The following TENM3 variants were observed in gnomAD, a reference collection of about 807,000 sequenced individuals.
TENM3 encodes the protein teneurin-3.
In TENM3, 63 loss-of-function variants were observed where a neutral mutation model predicts 255.1. That is an observed-to-expected ratio of 0.25 (90% CI 0.20 to 0.30). TENM3 has a LOEUF of 0.30. Among genes scored for constraint, TENM3 ranks in the 10% least tolerant of loss-of-function variants. TENM3 has a pLI of 1.00. For missense variants in TENM3, 2,929 were observed against 3,461.1 expected, an observed-to-expected ratio of 0.85 and a Z score of 3.86; for synonymous variants, 1,306 against 1,322.3, an observed-to-expected ratio of 0.99 and a Z score of 0.27.
chr4:181,585,321 C>T, the TENM3 span, among the ~76,000 whole-genome samples: 1 of 152,088 alleles, frequency 6.6e-6, no homozygotes, highest in Non-Finnish European at 1.5e-5. Flanking sequence ...TCCTAGTCTG[C>T]GTTATCTCTT....
the TENM3 span, among the ~76,000 whole-genome samples, chr4:181,741,587 C>A: frequency 6.6e-6 from 1 of 152,068 alleles, no homozygotes; most frequent in Non-Finnish European, 1.5e-5. Context: ...CTTGTCAATA[C>A]CTTTGGATGT....
At chr4:181,660,857 A>T in the TENM3 span, among the ~76,000 whole-genome samples, 2 of 152,200 alleles carry the variant, frequency 1.3e-5, no homozygotes, top group Non-Finnish European at 2.9e-5. Flanking sequence ...TCTTTTTATT[A>T]TATCAAATAC....
chr4:182,483,096 TA>T, intron 3 of TENM3, among the ~76,000 whole-genome samples: 1 of 152,224 alleles, frequency 6.6e-6, no homozygotes, highest in Non-Finnish European at 1.5e-5. Flanking sequence ...CACAATTTCA[TA>T]TTCAAGCTTT....
chr4:181,567,095 G>C, the TENM3 span, among the ~76,000 whole-genome samples: 1 of 152,134 alleles, frequency 6.6e-6, no homozygotes, highest in Non-Finnish European at 1.5e-5. Context: ...TCCCGCTTTA[G>C]ACACCATACT....
chr4:181,533,447 ATG>A, the TENM3 span, among the ~76,000 whole-genome samples: 1 of 152,116 alleles, frequency 6.6e-6, no homozygotes, highest in South Asian at 2.1e-4. Flanking sequence ...ATTCACCTTT[ATG>A]TTCTCAACAA....
chr4:182,502,133 C>T (rs781186972), intron 3 of TENM3, among the ~76,000 whole-genome samples: 1 of 152,176 alleles, frequency 6.6e-6, no homozygotes. Flanking sequence ...CTTTTACTGT[C>T]TGCTACTGTT....
chr4:182,534,191 A>G (rs1740051574), intron 3 of TENM3, among the ~76,000 whole-genome samples: 1 of 152,208 alleles, frequency 6.6e-6, no homozygotes, highest in African/African-American at 2.4e-5. Context: ...ACATGCATTC[A>G]GAGGAACATG....
At chr4:182,161,602 T>TATATATATATGTATATGTATATACAA (rs1751193971) in intron 1 of TENM3, among the ~76,000 whole-genome samples, 4 of 113,232 alleles carry the variant, frequency 3.5e-5, no homozygotes, top group African/African-American at 1.4e-4. Context: ...TATATATACA[T>TATATATATATGTATATGTATATACAA]ATATATATAT....
the TENM3 span, among the ~76,000 whole-genome samples, chr4:182,046,679 A>G: frequency 3.3e-5 from 5 of 152,094 alleles, no homozygotes; most frequent in East Asian, 5.8e-4. Context: ...GCAGTGAGCC[A>G]TGATCCTGCC....
At chr4:181,674,215 C>T in the TENM3 span, among the ~76,000 whole-genome samples, 1 of 152,144 alleles carries the variant, frequency 6.6e-6, no homozygotes, top group Non-Finnish European at 1.5e-5. Context: ...CCAGGCTGGT[C>T]TTGAACTGCT....
rs767223710 is a variant in TENM3, at chr4:182,228,940, C to CT, written c.-76+84187dup. On this transcript the variant is annotated intron_variant, in intron 1 of 2. Coordinates refer to the TENM3 transcript ENST00000512480. ...TAGAAGCCTGAAGTTTTGTGCAGTC[C>CT]TACTGTCATGGGGCATGTCTCAGAA... Among the ~76,000 whole-genome samples, 201 of 152,168 alleles carry CT rather than the reference C, an allele frequency of 1.3e-3. 4 individuals are homozygous for CT. Among genetic ancestry groups the CT allele is most frequent in the Non-Finnish European group, 4.3e-4 (29 of 68,010 alleles).
At chr4:182,277,534 G>A (rs930607308) in intron 1 of TENM3, among the ~76,000 whole-genome samples, 1 of 152,184 alleles carries the variant, frequency 6.6e-6, no homozygotes, top group Non-Finnish European at 1.5e-5. Flanking sequence ...ACAAAGGAAT[G>A]TTGGTTGCTA....
the TENM3 span, among the ~76,000 whole-genome samples, chr4:181,832,910 C>T: frequency 1.1e-4 from 17 of 152,130 alleles, no homozygotes; most frequent in African/African-American, 4.1e-4. Context: ...GACCGTGCTC[C>T]AGAAGATGAG....
the TENM3 span, among the ~76,000 whole-genome samples, chr4:181,524,495 T>A: frequency 2.0e-5 from 3 of 152,322 alleles, no homozygotes; most frequent in South Asian, 6.2e-4. Context: ...GGCTATTTGA[T>A]TAATCAGTTC....
chr4:182,458,806 C>A (rs966156983), intron 3 of TENM3, among the ~76,000 whole-genome samples: 1 of 152,086 alleles, frequency 6.6e-6, no homozygotes, highest in African/African-American at 2.4e-5. Flanking sequence ...GTGACAGCAT[C>A]CTCTGCAGAG....
At chr4:181,634,384 C>CTTTTTTTTTTTTTTTTTTTTTATTTT in the TENM3 span, among the ~76,000 whole-genome samples, 1 of 123,084 alleles carries the variant, frequency 8.1e-6, no homozygotes, top group African/African-American at 3.0e-5. Flanking sequence ...TTTTTTAATT[C>CTTTTTTTTTTTTTTTTTTTTTATTTT]TTTTTTTTTT....
intron 1 of TENM3, among the ~76,000 whole-genome samples, chr4:182,300,500 C>T (rs767544624): frequency 6.6e-6 from 1 of 152,154 alleles, no homozygotes; most frequent in African/African-American, 2.4e-5. Context: ...GAGTTAAACA[C>T]CTGGAGGATT....
chr4:182,510,087 T>C (rs1737236245), intron 3 of TENM3, among the ~76,000 whole-genome samples: 1 of 152,276 alleles, frequency 6.6e-6, no homozygotes, highest in East Asian at 1.9e-4. Context: ...TTTTGCCAAA[T>C]ACTGTAAGAT....
the TENM3 span, among the ~76,000 whole-genome samples, chr4:181,470,157 A>G: frequency 6.7e-6 from 1 of 149,960 alleles, no homozygotes; most frequent in Admixed American, 6.7e-5. Flanking sequence ...CTATTTACTG[A>G]TGTTTTAAAC....
Sources: gnomAD v4.1 joint callset for allele counts (sites outside exome capture counted in the v4.1 genomes callset) on GRCh38, gnomAD v4.1.1 for gene constraint, MANE v1.5 for transcripts, NCBI Gene and HGNC (gene_info 2026-07-23, HGNC 2026-07-21) for gene names.